Variants in MELK observed in about 807,000 individuals in gnomAD.
MELK encodes maternal embryonic leucine zipper kinase, also known as pEg3 kinase.
Under a neutral mutation model 85.0 loss-of-function variants are expected in MELK, and 81 were observed. The ratio of observed to expected loss-of-function variants is 0.95; its 90% confidence interval spans 0.80 to 1.15. MELK has a LOEUF of 1.15. MELK is among the 50% of genes most tolerant of loss of function. The pLI is 0.00. For synonymous variants in MELK, 252 were observed against 265.0 expected, an observed-to-expected ratio of 0.95 and a Z score of 0.48; for missense variants, 754 against 777.5, an observed-to-expected ratio of 0.97 and a Z score of 0.36.
At chr9:36,649,567 G>A (rs1027701467) in intron 11 of MELK, among the ~76,000 whole-genome samples, 4 of 151,950 alleles carry the variant, frequency 2.6e-5, no homozygotes, top group Admixed American at 2.0e-4. Context: ...CCAGGAGTTC[G>A]AGACCAGCCT....
Position 36,572,992 on chromosome 9 carries a change from GCCCTCCGC to G in MELK, c.-48_-41del. ...CTTCTGTCGGGCGCCGCTCAGCCGT[GCCCTCCGC>G]CCCTCAGGTCAGTTCTCCCGCCTGC... On this transcript the variant is annotated 5_prime_UTR_variant, in exon 1 of 18. Coordinates refer to ENST00000298048, the MANE Select transcript of MELK (RefSeq NM_014791.4). 1 of 152,588 alleles carries G rather than the reference GCCCTCCGC, an allele frequency of 6.6e-6. No homozygotes were observed. The highest frequency in any genetic ancestry group is 2.4e-5 in the African/African-American group (1 of 41,566). 9.5% of individuals were successfully genotyped at this position (152,588 alleles called of 1,614,324 possible). A position where few individuals can be genotyped will look rare whatever the true frequency, so the allele number is the denominator to read the frequency against.
chr9:36,620,462 T>C (rs1324840012), intron 8 of MELK, among the ~76,000 whole-genome samples: 2 of 152,090 alleles, frequency 1.3e-5, no homozygotes, highest in Non-Finnish European at 2.9e-5. Context: ...ATTTTCAAGA[T>C]CCATTCCAGC....
intron 13 of MELK, among the ~76,000 whole-genome samples, chr9:36,663,503 G>A (rs1202364895): frequency 6.6e-6 from 1 of 152,194 alleles, no homozygotes; most frequent in Non-Finnish European, 1.5e-5. Context: ...CACCCCTTAA[G>A]TAATTTCTCA....
At chr9:36,659,706 G>C (rs1222589738) in intron 13 of MELK, among the ~76,000 whole-genome samples, 1 of 152,216 alleles carries the variant, frequency 6.6e-6, no homozygotes, top group Non-Finnish European at 1.5e-5. Flanking sequence ...CCAGGCAGCT[G>C]ACAACTCTGC....
At chr9:36,606,634 T>C (rs998125615) in intron 7 of MELK, among the ~76,000 whole-genome samples, 3 of 147,006 alleles carry the variant, frequency 2.0e-5, no homozygotes, top group Non-Finnish European at 4.5e-5. Context: ...TATATGGACA[T>C]ATATGTATAT....
chr9:36,665,007 T>C lies in MELK; in HGVS notation c.1177-343T>C, dbSNP rs193077832. ...TTTCTGCCCTAATTGCTGACTAAAC[T>C]TTTTTTTTGGTACATGTCAGAGGCA... On this transcript the variant is annotated intron_variant, in intron 13 of 17. Coordinates refer to ENST00000298048, the MANE Select transcript of MELK (RefSeq NM_014791.4). Among the ~76,000 whole-genome samples, 485 of 151,724 alleles carry C rather than the reference T, an allele frequency of 3.2e-3. 2 individuals are homozygous for C. Among genetic ancestry groups the C allele is most frequent in the Non-Finnish European group, 4.6e-3 (313 of 67,834 alleles).
chr9:36,664,436 TGCTTCTACC>T (rs1832144017), intron 13 of MELK, among the ~76,000 whole-genome samples: 1 of 152,198 alleles, frequency 6.6e-6, no homozygotes, highest in African/African-American at 2.4e-5. Context: ...GAGTTGTGCG[TGCTTCTACC>T]AGGTTCCTGG....
intron 3 of MELK, among the ~76,000 whole-genome samples, chr9:36,586,462 T>C (rs1317389283): frequency 6.6e-6 from 1 of 152,222 alleles, no homozygotes; most frequent in Non-Finnish European, 1.5e-5. Context: ...TATAAGAAAT[T>C]ATTTTTAATT....
At chr9:36,662,763 C>T (rs575581433) in intron 13 of MELK, among the ~76,000 whole-genome samples, 1 of 152,338 alleles carries the variant, frequency 6.6e-6, no homozygotes, top group African/African-American at 2.4e-5. Flanking sequence ...GAAAAACCAA[C>T]CTCAGTCTAG....
In MELK at chr9:36,623,864, C is replaced by T. The variant is rs547519435; in HGVS notation, c.667-6435C>T. Among the ~76,000 whole-genome samples, 3 of 152,322 alleles carry T rather than the reference C, an allele frequency of 2.0e-5. 1 individual carries two copies. Among genetic ancestry groups the T allele is most frequent in the African/African-American group, 4.8e-5 (2 of 41,578 alleles). On this transcript the variant is annotated intron_variant, in intron 8 of 17. Coordinates refer to ENST00000298048, the MANE Select transcript of MELK (RefSeq NM_014791.4). ...GTCTCTTACATGCAAGGCAGTATGC[C>T]GAGTGCTTTCACATATATTCTGTTG...
intron 7 of MELK, among the ~76,000 whole-genome samples, chr9:36,604,232 G>A (rs2135723705): frequency 7.3e-6 from 1 of 136,366 alleles, no homozygotes; most frequent in East Asian, 2.4e-4. Context: ...GCTTCCCAAA[G>A]TGTTAGGATT....
chr9:36,579,366 G>A (rs928062618), intron 1 of MELK, among the ~76,000 whole-genome samples: 1 of 152,152 alleles, frequency 6.6e-6, no homozygotes, highest in African/African-American at 2.4e-5. Flanking sequence ...GTTTTACTAT[G>A]TTGGCCAGGC....
chr9:36,643,556 C>T (rs1480982152), intron 11 of MELK, among the ~76,000 whole-genome samples: 2 of 152,146 alleles, frequency 1.3e-5, no homozygotes, highest in Admixed American at 6.5e-5. Context: ...TCCACACAGT[C>T]CTGATGTGTG....
chr9:36,658,190 G>GT (rs1286001651), intron 13 of MELK, among the ~76,000 whole-genome samples: 4 of 151,782 alleles, frequency 2.6e-5, no homozygotes, highest in Middle Eastern at 3.2e-3. Context: ...ATAGATTAAT[G>GT]TTTTTTATCA....
chr9:36,647,569 A>G (rs1031882101), intron 11 of MELK, among the ~76,000 whole-genome samples: 10 of 151,122 alleles, frequency 6.6e-5, no homozygotes, highest in Admixed American at 5.3e-4. Flanking sequence ...GCTCCCTGCA[A>G]CCTCCGCCTC....
intron 17 of MELK, among the ~76,000 whole-genome samples, chr9:36,676,068 GATCTATTATCTAAC>G (rs1456774781): frequency 6.6e-6 from 1 of 152,088 alleles, no homozygotes; most frequent in Non-Finnish European, 1.5e-5. Context: ...GTCTCTCAAT[GATCTATTATCTAAC>G]ATGTGACTAA....
intron 14 of MELK, among the ~76,000 whole-genome samples, chr9:36,667,878 C>T (rs972995655): frequency 1.3e-5 from 2 of 152,138 alleles, no homozygotes; most frequent in Non-Finnish European, 2.9e-5. Context: ...AGAGATTCTC[C>T]TGCCTCAGCC....
intron 3 of MELK, among the ~76,000 whole-genome samples, chr9:36,587,943 T>A (rs1485279977): frequency 6.6e-6 from 1 of 151,342 alleles, no homozygotes; most frequent in East Asian, 1.9e-4. Context: ...TTCGTGTGTG[T>A]TTTTATTAGA....
intron 1 of MELK, among the ~76,000 whole-genome samples, chr9:36,575,823 G>A (rs1227959597): frequency 6.6e-6 from 1 of 152,118 alleles, no homozygotes; most frequent in Non-Finnish European, 1.5e-5. Flanking sequence ...ATTTGAAATA[G>A]CCCAGTCCTT....
Sources: gnomAD v4.1 joint callset for allele counts (sites outside exome capture counted in the v4.1 genomes callset) on GRCh38, gnomAD v4.1.1 for gene constraint, MANE v1.5 for transcripts, NCBI Gene and HGNC (gene_info 2026-07-23, HGNC 2026-07-21) for gene names.